The following LRRTM4 variants were observed in gnomAD, a reference collection of about 807,000 sequenced individuals.
LRRTM4 encodes the protein leucine-rich repeat transmembrane neuronal protein 4.
In LRRTM4, 25 loss-of-function variants were observed where a neutral mutation model predicts 47.6. The ratio of observed to expected loss-of-function variants is 0.53; its 90% CI spans 0.38 to 0.73. The LOEUF (loss-of-function observed/expected upper bound fraction) is 0.73. Among genes scored for constraint, LRRTM4 ranks in the 30% least tolerant of loss-of-function variants. The probability of loss-of-function intolerance (pLI) is 0.00; values close to 1 mark genes in which losing one functional copy is unlikely to be tolerated. For synonymous variants in LRRTM4, 311 were observed against 269.5 expected (o/e 1.15, Z -1.51); for missense variants, 638 against 713.4 (o/e 0.89, Z 1.20).
chr2:77,287,593 T>C (rs1050932680), intron 3 of LRRTM4, among the ~76,000 whole-genome samples: 1 of 151,894 alleles, frequency 6.6e-6, no homozygotes, highest in African/African-American at 2.4e-5. Flanking sequence ...CCACTCTGAG[T>C]AGTGTTATGA....
At chr2:77,508,580 T>C (rs767478813) in intron 3 of LRRTM4, among the ~76,000 whole-genome samples, 1 of 152,166 alleles carries the variant, frequency 6.6e-6, no homozygotes, top group Non-Finnish European at 1.5e-5. Context: ...ATGGGGTTTG[T>C]TTTTTGTCAG....
chr2:76,837,255 C>G (rs1671540757), intron 3 of LRRTM4, among the ~76,000 whole-genome samples: 1 of 150,084 alleles, frequency 6.7e-6, no homozygotes, highest in African/African-American at 2.4e-5. Flanking sequence ...TTTATTGCGT[C>G]TATTTGATTC....
At chr2:76,945,643 T>C (rs1448891830) in intron 3 of LRRTM4, among the ~76,000 whole-genome samples, 2 of 151,918 alleles carry the variant, frequency 1.3e-5, no homozygotes, top group Admixed American at 6.6e-5. Flanking sequence ...AGTTTTGCAA[T>C]AAAATTCAAG....
At chr2:77,357,623 C>A (rs1167051390) in intron 3 of LRRTM4, among the ~76,000 whole-genome samples, 2 of 152,130 alleles carry the variant, frequency 1.3e-5, no homozygotes, top group African/African-American at 4.8e-5. Context: ...GGTGTTAAGA[C>A]AAAGGCATTT....
intron 3 of LRRTM4, among the ~76,000 whole-genome samples, chr2:77,280,492 A>G (rs766095970): frequency 1.3e-5 from 2 of 152,082 alleles, no homozygotes; most frequent in African/African-American, 2.4e-5. Context: ...TACTTCAGAT[A>G]CAGCTTATGG....
chr2:77,162,562 G>A (rs747255214), intron 3 of LRRTM4, among the ~76,000 whole-genome samples: 4 of 152,250 alleles, frequency 2.6e-5, no homozygotes, highest in South Asian at 2.1e-4. Context: ...TAACTGGGAG[G>A]CACCTCCCAG....
chr2:77,122,507 CACAT>C (rs535159049), intron 3 of LRRTM4, among the ~76,000 whole-genome samples: 132 of 149,914 alleles, frequency 8.8e-4, no homozygotes, highest in Admixed American at 3.0e-3. Flanking sequence ...TATATACACA[CACAT>C]ATATATAATA....
chr2:77,278,724 C>T (rs565791195), intron 3 of LRRTM4, among the ~76,000 whole-genome samples: 4 of 152,154 alleles, frequency 2.6e-5, no homozygotes, highest in African/African-American at 9.6e-5. Flanking sequence ...TCACTCACAA[C>T]ATCTTACTTT....
At chr2:77,097,220 G>A (rs1164707655) in intron 3 of LRRTM4, among the ~76,000 whole-genome samples, 1 of 151,762 alleles carries the variant, frequency 6.6e-6, no homozygotes, top group African/African-American at 2.4e-5. Context: ...TTATGATACT[G>A]GCATAATATT....
chr2:76,886,552 T>A (rs1229794659), intron 3 of LRRTM4, among the ~76,000 whole-genome samples: 8 of 151,990 alleles, frequency 5.3e-5, no homozygotes, highest in Admixed American at 5.2e-4. Context: ...GAGATATATA[T>A]TTACTTAAAG....
chr2:77,117,471 C>T (rs1179373564), intron 3 of LRRTM4, among the ~76,000 whole-genome samples: 4 of 151,164 alleles, frequency 2.6e-5, no homozygotes, highest in African/African-American at 9.7e-5. Flanking sequence ...ATTATTTTAC[C>T]CCCAGGTTAA....
At chr2:76,863,546 A>G (rs1672379054) in intron 3 of LRRTM4, among the ~76,000 whole-genome samples, 1 of 152,172 alleles carries the variant, frequency 6.6e-6, no homozygotes, top group South Asian at 2.1e-4. Context: ...GGTATAAGAT[A>G]CAAATCCTGA....
At chr2:76,806,537 C>T (rs544454830) in intron 3 of LRRTM4, among the ~76,000 whole-genome samples, 78 of 152,174 alleles carry the variant, frequency 5.1e-4, no homozygotes, top group South Asian at 1.7e-3. Context: ...GCCAAGATCA[C>T]GTCATTGCAC....
At position 76,804,479 on chromosome 2, in the gene LRRTM4, C is replaced by T. The variant is rs569467128; in HGVS notation, c.1552-55563G>A. ...ACTGGATAAATAAGTTATGACACAT[C>T]TAAGTATCAGCCATATTCTGTCCTG... On this transcript the variant is annotated intron_variant, in intron 3 of 3. Transcript: ENST00000409884. 8.6e-5 allele frequency among the ~76,000 whole-genome samples: 13 copies of T among 151,938 alleles called. No homozygotes were observed. The East Asian group carries it at 2.5e-3, about 30-fold the overall frequency.
At chr2:76,997,673 C>G (rs1677249902) in intron 3 of LRRTM4, among the ~76,000 whole-genome samples, 1 of 152,076 alleles carries the variant, frequency 6.6e-6, no homozygotes, top group Admixed American at 6.6e-5. Flanking sequence ...GAAAATTGAA[C>G]TAACATTCTA....
At chr2:77,440,796 T>C (rs1192151849) in intron 3 of LRRTM4, among the ~76,000 whole-genome samples, 2 of 152,196 alleles carry the variant, frequency 1.3e-5, no homozygotes, top group African/African-American at 2.4e-5. Context: ...CCCTAAAAAA[T>C]TTCAGATGGC....
chr2:76,963,937 T>A (rs954168060), intron 3 of LRRTM4, among the ~76,000 whole-genome samples: 4 of 150,816 alleles, frequency 2.7e-5, no homozygotes, highest in Non-Finnish European at 6.0e-5. Flanking sequence ...AAACATGTCA[T>A]TAATATTTTA....
chr2:77,507,338 A>G lies in LRRTM4; in HGVS notation c.1551+10980T>C, dbSNP rs1212081837. The stretch of plus-strand genomic sequence containing the variant: ...TTTAGTAAAAAACTCAGTGAGAAAG[A>G]GAATGAATGCTATCTTCTTTCTGGC... On this transcript the variant is annotated intron_variant, in intron 3 of 3. Transcript: ENST00000409884. Among the ~76,000 whole-genome samples, 15 of 152,134 alleles carry G rather than the reference A, an allele frequency of 9.9e-5. No homozygotes were observed. The East Asian group carries it at 2.9e-3, about 29-fold the overall frequency.
intron 3 of LRRTM4, among the ~76,000 whole-genome samples, chr2:76,940,832 T>C (rs1675114222): frequency 6.6e-6 from 1 of 152,128 alleles, no homozygotes; most frequent in African/African-American, 2.4e-5. Flanking sequence ...CCTGATAGCT[T>C]AGTCCTTGCA....
Sources: allele counts gnomAD v4.1 joint callset (sites outside exome capture counted in the v4.1 genomes callset), GRCh38; gene constraint gnomAD v4.1.1; transcripts MANE v1.5; gene names NCBI Gene and HGNC (gene_info 2026-07-23, HGNC 2026-07-21).